Variants in ATOH8 observed in about 807,000 individuals in gnomAD.
ATOH8 encodes the protein transcription factor ATOH8.
In ATOH8, 9 loss-of-function variants were observed where a neutral mutation model predicts 21.2. The ratio of observed to expected loss-of-function variants is 0.42; its 90% confidence interval spans 0.26 to 0.74. ATOH8 has a LOEUF of 0.74. Among genes scored for constraint, ATOH8 ranks in the 30% least tolerant of loss-of-function variants. The pLI is 0.24. For missense variants in ATOH8, 524 were observed against 470.9 expected, an observed-to-expected ratio of 1.11 and a Z score of -1.04; for synonymous variants, 253 against 224.0, an observed-to-expected ratio of 1.13 and a Z score of -1.16.
At chr2:85,762,316 T>G (rs1036291094) in intron 1 of ATOH8, among the ~76,000 whole-genome samples, 2 of 152,230 alleles carry the variant, frequency 1.3e-5, no homozygotes, top group African/African-American at 4.8e-5. Flanking sequence ...ACGCTTAGCT[T>G]TATGCCAGAT....
intron 2 of ATOH8, among the ~76,000 whole-genome samples, chr2:85,765,211 G>A (rs777316021): frequency 2.3e-4 from 35 of 152,190 alleles, no homozygotes; most frequent in African/African-American, 8.0e-4. Context: ...GGCAGGGGGC[G>A]GACCCTGTCA....
rs1680763512 is a variant in ATOH8 at position 85,791,371 on chromosome 2, ATG to A, written c.*4484_*4485del. On this transcript the variant is annotated 3_prime_UTR_variant, in exon 3 of 3. Coordinates refer to ENST00000306279, the MANE Select transcript of ATOH8 (RefSeq NM_032827.7). ...TGAATGAATGAATAAAACATGGAAA[ATG>A]TGGTAATTCACTCATTTTTGTTTTC... is the stretch of plus-strand genomic sequence containing the variant. Among the ~76,000 whole-genome samples the A allele has an allele frequency of 6.6e-6, 1 of 152,206 alleles. No homozygotes were observed. The highest frequency in any genetic ancestry group is 1.5e-5 in the Non-Finnish European group (1 of 68,032).
At chr2:85,777,779 C>A (rs1680365843) in intron 2 of ATOH8, among the ~76,000 whole-genome samples, 1 of 152,172 alleles carries the variant, frequency 6.6e-6, no homozygotes, top group Non-Finnish European at 1.5e-5. Flanking sequence ...CTTTGGGATC[C>A]CCAGAGCCTC....
rs188806780 is a variant in ATOH8, at chr2:85,754,319, C to G, written c.130C>G (p.Arg44Gly). 3.1e-6 allele frequency: 5 copies of G among 1,609,236 alleles called. No homozygotes were observed. The highest frequency in any genetic ancestry group is 3.4e-6 in the Non-Finnish European group (4 of 1,178,576). The change falls in exon 1 of 3, where the codon CGA becomes GGA. Residue 44 changes from arginine (R) to glycine (G), a missense_variant. Arg to Gly is a moderately radical substitution (Grantham distance 125, BLOSUM62 -2). Transcript: ENST00000306279. ...GCGCGCGAACGGCTATAAAACTTTC[C>G]GACTGGACTTGGAAGCGCCCGAGCC... ...ARRANGYKTF[R>G]LDLEAPEPRA...
intron 1 of ATOH8, among the ~76,000 whole-genome samples, chr2:85,755,779 C>A (rs1365935941): frequency 6.6e-6 from 1 of 152,146 alleles, no homozygotes; most frequent in Non-Finnish European, 1.5e-5. Context: ...ATCGCTTGGG[C>A]TTCTAGGCTT....
In ATOH8 at chr2:85,788,024, A is replaced by G. The variant is rs967730199; in HGVS notation, c.*1134A>G. 6.5e-6 allele frequency: 1 copy of G among 152,672 alleles called. No individual in the cohort carries two copies. Among genetic ancestry groups the G allele is most frequent in the Admixed American group, 6.5e-5 (1 of 15,286 alleles). 9.5% of individuals were successfully genotyped at this position (152,672 alleles called of 1,614,324 possible). ...AAGCTGTTCACGTCTGTGCTCAACC[A>G]TCTGCTTCAAATTGAAGTAAAAGCC... On this transcript the variant is annotated 3_prime_UTR_variant, in exon 3 of 3. Transcript: ENST00000306279.
rs1680303816 is a variant in ATOH8, at chr2:85,775,739, T to G, written c.961-11146T>G. On this transcript the variant is annotated intron_variant, in intron 2 of 2. Transcript: ENST00000306279. The stretch of plus-strand genomic sequence containing the variant: ...GCCCCTCCCTTCCTCCAAAGGAAGA[T>G]GCTCCCCTCGAACCCGAGAAAAACA... 1.3e-5 allele frequency among the ~76,000 whole-genome samples: 2 copies of G among 152,280 alleles called. 1 individual carries two copies. The highest frequency in any genetic ancestry group is 3.9e-4 in the East Asian group (2 of 5,180).
Position 85,790,274 on chromosome 2 carries a change from C to G in ATOH8, c.*3384C>G, listed in dbSNP as rs970645993. ...GGCCCTCTCCAGGGACCCGCAAGAT[C>G]TTCCTGGGTATGTCTGCATGAAGCC... is the stretch of plus-strand genomic sequence containing the variant. On this transcript the variant is annotated 3_prime_UTR_variant, in exon 3 of 3. Transcript: ENST00000306279. Among the ~76,000 whole-genome samples, 1 of 152,212 alleles carries G rather than the reference C, an allele frequency of 6.6e-6. No homozygotes were observed. The highest frequency in any genetic ancestry group is 1.5e-5 in the Non-Finnish European group (1 of 68,042).
rs775218793 is a variant in ATOH8 at position 85,754,702 on chromosome 2, G to T, written c.513G>T (p.Pro171=). 1.2e-6 allele frequency: 2 copies of T among 1,607,992 alleles called. No individual in the cohort carries two copies. The highest frequency in any genetic ancestry group is 1.7e-6 in the Non-Finnish European group (2 of 1,177,728). Residue 171 remains proline, a synonymous_variant, in exon 1 of 3, where the codon CCG becomes CCT. Transcript: ENST00000306279. ...CCGCGCCGTCAGCACCCCCAGCACC[G>T]CCAGCGCCCCCGGAGTCCACTGTGC... ...ARPAPSAPPA[P]PAPPESTVRP...
At chr2:85,771,136 C>T (rs1680170284) in intron 2 of ATOH8, among the ~76,000 whole-genome samples, 1 of 152,166 alleles carries the variant, frequency 6.6e-6, no homozygotes, top group African/African-American at 2.4e-5. Context: ...TTCTGGTGCT[C>T]TGTAGTGCTA....
chr2:85,778,831 C>G lies in ATOH8; in HGVS notation c.961-8054C>G, dbSNP rs866926246. Among the ~76,000 whole-genome samples the G allele has an allele frequency of 2.6e-5, 4 of 152,326 alleles. No homozygotes were observed. In the South Asian group the frequency reaches 6.2e-4, roughly 24 times the overall value. ...GGTCGGGGCATGTGAACTTACATGT[C>G]GTGTGGGGGTGTCTGTGTAAGGATC... On this transcript the variant is annotated intron_variant, in intron 2 of 2. Transcript: ENST00000306279.
intron 1 of ATOH8, among the ~76,000 whole-genome samples, chr2:85,760,084 C>T (rs1679821130): frequency 6.6e-6 from 1 of 151,962 alleles, no homozygotes; most frequent in South Asian, 2.1e-4. Flanking sequence ...CAGGCCAGTG[C>T]TCTTCATGTT....
rs1680631310 is a variant in ATOH8 at position 85,786,754 on chromosome 2, C to A, written c.961-131C>A. On this transcript the variant is annotated intron_variant, in intron 2 of 2. Coordinates refer to ENST00000306279, the MANE Select transcript of ATOH8 (RefSeq NM_032827.7). Reference sequence around the variant, plus strand: ...GGCCGGGGTTTGAATCCTGGCTCTTCCACTTATCGAACCCTTCAAGGTGGG... The same window carrying A: ...GGCCGGGGTTTGAATCCTGGCTCTTACACTTATCGAACCCTTCAAGGTGGG... 2.5e-6 allele frequency: 3 copies of A among 1,195,982 alleles called. No individual in the cohort carries two copies. In the African/African-American group the frequency reaches 4.5e-5, roughly 18 times the overall value. The allele number at this position is 1,195,982 out of a possible 1,614,324, so 74.1% of individuals were successfully genotyped here. A position where few individuals can be genotyped will look rare whatever the true frequency, so the allele number is the denominator to read the frequency against.
At position 85,771,037 on chromosome 2, in the gene ATOH8, G is replaced by T. The variant is rs114737586; in HGVS notation, c.960+6855G>T. Among the ~76,000 whole-genome samples the T allele has an allele frequency of 9.1e-3, 1,388 of 152,282 alleles. 23 individuals are homozygous for T. Among genetic ancestry groups the T allele is most frequent in the African/African-American group, 0.032 (1,309 of 41,548 alleles). ...TCTGAGCCAAGATTCCCCTCTGGAA[G>T]CCCCTGTGGAGGCTCAGTGGCTCTC... On this transcript the variant is annotated intron_variant, in intron 2 of 2. Transcript: ENST00000306279.
intron 1 of ATOH8, among the ~76,000 whole-genome samples, chr2:85,760,056 G>A (rs150118419): frequency 6.6e-5 from 10 of 152,228 alleles, no homozygotes; most frequent in South Asian, 2.1e-4. Context: ...CAGGAGTGGA[G>A]CCAGGCCCTC....
At position 85,781,175 on chromosome 2, in the gene ATOH8, G is replaced by C. The variant is rs762473365; in HGVS notation, c.961-5710G>C. 11 of 666,288 alleles carry C rather than the reference G, an allele frequency of 1.7e-5. No individual in the cohort carries two copies. The East Asian group carries it at 1.4e-3, about 83-fold the overall frequency. 41.3% of individuals were successfully genotyped at this position (666,288 alleles called of 1,614,324 possible). On this transcript the variant is annotated intron_variant, in intron 2 of 2. Transcript: ENST00000306279. Reference sequence around the variant, plus strand: ...TTCGTAAAATACTGTATGTGAGTACGCATATGCATGGGAATAGCATATGGG... The same window carrying C: ...TTCGTAAAATACTGTATGTGAGTACCCATATGCATGGGAATAGCATATGGG...
chr2:85,754,591 C>G lies in ATOH8; in HGVS notation c.402C>G (p.Ser134Arg). ...PPPPPPPAPQSQAPGGPEAQP... is the reference protein window; with the variant it reads ...PPPPPPPAPQRQAPGGPEAQP... ...CGCCGCCGCCTCCTGCGCCCCAGAG[C>G]CAGGCACCTGGGGGCCCAGAGGCAC... Residue 134 changes from serine to arginine, a missense_variant, in exon 1 of 3, where the codon AGC (serine) becomes AGG (arginine). Transcript: ENST00000306279. 1 of 1,471,134 alleles carries G rather than the reference C, an allele frequency of 6.8e-7. No individual in the cohort carries two copies. The highest frequency in any genetic ancestry group is 8.9e-7 in the Non-Finnish European group (1 of 1,119,960). 91.1% of individuals were successfully genotyped at this position (1,471,134 alleles called of 1,614,324 possible). A position where few individuals can be genotyped will look rare whatever the true frequency, so the allele number is the denominator to read the frequency against.
intron 2 of ATOH8, among the ~76,000 whole-genome samples, chr2:85,779,766 A>G (rs1680433431): frequency 6.6e-6 from 1 of 152,356 alleles, no homozygotes; most frequent in East Asian, 1.9e-4. Flanking sequence ...ACATGTGTGC[A>G]GCGGTAGGCA....
chr2:85,785,000 T>G (rs1249790306), intron 2 of ATOH8, among the ~76,000 whole-genome samples: 1 of 152,206 alleles, frequency 6.6e-6, no homozygotes, highest in Non-Finnish European at 1.5e-5. Context: ...CAGGCCTTGG[T>G]GAGAGAAACC....
Sources: gnomAD v4.1 joint callset for allele counts (sites outside exome capture counted in the v4.1 genomes callset) on GRCh38, gnomAD v4.1.1 for gene constraint, MANE v1.5 for transcripts, NCBI Gene and HGNC (gene_info 2026-07-23, HGNC 2026-07-21) for gene names.